The following CD247 variants were observed in gnomAD, a reference collection of about 807,000 sequenced individuals.
The protein encoded by CD247 is CD247 molecule.
A neutral mutation model predicts 30.0 loss-of-function variants in CD247; 13 were observed. The observed-to-expected ratio is 0.43, with a 90% CI of 0.28 to 0.69. The LOEUF is 0.69. CD247 is among the 30% of genes least tolerant of loss of function. The pLI, the probability that CD247 is intolerant of heterozygous loss-of-function variation, is 0.16. For missense variants in CD247, 193 were observed against 212.6 expected, an observed-to-expected ratio of 0.91 and a Z score of 0.57; for synonymous variants, 72 against 80.0, an observed-to-expected ratio of 0.90 and a Z score of 0.53.
intron 1 of CD247, among the ~76,000 whole-genome samples, chr1:167,466,637 T>C (rs1653260085): frequency 6.6e-6 from 1 of 152,168 alleles, no homozygotes; most frequent in Non-Finnish European, 1.5e-5. Flanking sequence ...CCTATGCAAA[T>C]GTATTTTCAT....
chr1:167,505,530 G>T (rs1318514390), intron 1 of CD247, among the ~76,000 whole-genome samples: 16 of 152,248 alleles, frequency 1.1e-4, no homozygotes, highest in African/African-American at 3.9e-4. Flanking sequence ...ATCTTCTCTG[G>T]AAGGCAGCAT....
intron 1 of CD247, among the ~76,000 whole-genome samples, chr1:167,497,174 G>A (rs959971256): frequency 6.6e-6 from 1 of 152,158 alleles, no homozygotes; most frequent in Admixed American, 6.5e-5. Flanking sequence ...AGGGAGAGAT[G>A]ACCATGATTT....
At chr1:167,486,734 T>C (rs925437219) in intron 1 of CD247, among the ~76,000 whole-genome samples, 27 of 152,186 alleles carry the variant, frequency 1.8e-4, no homozygotes, top group Admixed American at 3.9e-4. Context: ...TGGCCACTTA[T>C]GCGGGCCACT....
chr1:167,517,741 C>T (rs1275262447), intron 1 of CD247, among the ~76,000 whole-genome samples: 3 of 152,150 alleles, frequency 2.0e-5, no homozygotes, highest in Admixed American at 6.5e-5. Flanking sequence ...GTGCGTCACC[C>T]GGCAGTCCCA....
intron 1 of CD247, among the ~76,000 whole-genome samples, chr1:167,464,102 T>A (rs1225034354): frequency 6.6e-6 from 1 of 152,172 alleles, no homozygotes; most frequent in African/African-American, 2.4e-5. Context: ...AGTTTTACCA[T>A]GGAATGTGCC....
At chr1:167,444,038 C>T (rs577231948) in intron 1 of CD247, among the ~76,000 whole-genome samples, 4 of 152,280 alleles carry the variant, frequency 2.6e-5, no homozygotes, top group East Asian at 3.9e-4. Context: ...CAGGTGGGTT[C>T]GAGTACTTCT....
At chr1:167,515,177 G>GA (rs1655548957) in intron 1 of CD247, among the ~76,000 whole-genome samples, 5 of 152,198 alleles carry the variant, frequency 3.3e-5, no homozygotes, top group African/African-American at 1.2e-4. Flanking sequence ...TGCCATTGAT[G>GA]AAAAATTTGT....
chr1:167,454,481 G>T (rs1035437063), intron 1 of CD247, among the ~76,000 whole-genome samples: 1 of 152,262 alleles, frequency 6.6e-6, no homozygotes, highest in African/African-American at 2.4e-5. Flanking sequence ...AGGAACAGGG[G>T]CTGGCCCATT....
At chr1:167,437,636 C>T (rs1325121250) in intron 4 of CD247, among the ~76,000 whole-genome samples, 7 of 152,178 alleles carry the variant, frequency 4.6e-5, no homozygotes, top group Non-Finnish European at 8.8e-5. Flanking sequence ...ACTCCATGTT[C>T]TCACCTATAT....
intron 1 of CD247, among the ~76,000 whole-genome samples, chr1:167,446,865 G>A (rs1192569304): frequency 6.6e-6 from 1 of 152,196 alleles, no homozygotes; most frequent in African/African-American, 2.4e-5. Context: ...CGTGGTGGCA[G>A]GCACCTGTGG....
intron 1 of CD247, among the ~76,000 whole-genome samples, chr1:167,451,046 CA>C (rs1188503105): frequency 2.0e-5 from 3 of 151,818 alleles, no homozygotes; most frequent in Non-Finnish European, 4.4e-5. Context: ...GCAGATCTGT[CA>C]GGGAAGGGCA....
At chr1:167,452,918 T>G (rs189784986) in intron 1 of CD247, among the ~76,000 whole-genome samples, 1 of 151,748 alleles carries the variant, frequency 6.6e-6, no homozygotes, top group African/African-American at 2.4e-5. Flanking sequence ...CATATGTGTA[T>G]ATACACACAC....
intron 1 of CD247, among the ~76,000 whole-genome samples, chr1:167,499,793 C>G (rs1654830996): frequency 6.6e-6 from 1 of 152,154 alleles, no homozygotes; most frequent in South Asian, 2.1e-4. Flanking sequence ...AATTCAAACC[C>G]CAACTCTACT....
intron 1 of CD247, among the ~76,000 whole-genome samples, chr1:167,449,110 G>A (rs1181434941): frequency 7.3e-6 from 1 of 136,800 alleles, no homozygotes; most frequent in Non-Finnish European, 1.6e-5. Context: ...CATTAAAGTT[G>A]TTATGTTTTG....
intron 1 of CD247, among the ~76,000 whole-genome samples, chr1:167,501,345 C>A (rs1343587351): frequency 2.0e-5 from 3 of 152,152 alleles, no homozygotes. Flanking sequence ...AGGCGTAAGC[C>A]ACTGCGCCCG....
intron 1 of CD247, among the ~76,000 whole-genome samples, chr1:167,474,473 T>C (rs929798993): frequency 6.6e-6 from 1 of 152,036 alleles, no homozygotes; most frequent in African/African-American, 2.4e-5. Context: ...GAGATCTTTT[T>C]AGATAACAGT....
intron 4 of CD247, among the ~76,000 whole-genome samples, chr1:167,437,943 T>C (rs1651624993): frequency 6.6e-6 from 1 of 152,020 alleles, no homozygotes; most frequent in Non-Finnish European, 1.5e-5. Flanking sequence ...TCATATTATA[T>C]TCAAAAATCA....
At chr1:167,502,538 A>G (rs1318525371) in intron 1 of CD247, among the ~76,000 whole-genome samples, 1 of 152,148 alleles carries the variant, frequency 6.6e-6, no homozygotes, top group Non-Finnish European at 1.5e-5. Context: ...GTTTATTTTG[A>G]GAGATGATTC....
chr1:167,459,597 C>T (rs900785220), intron 1 of CD247: 6 of 152,168 alleles, frequency 3.9e-5, no homozygotes, highest in African/African-American at 1.4e-4. Flanking sequence ...AGGTCATCCG[C>T]CTGCCTTAGC....
Sources: allele counts gnomAD v4.1 joint callset (sites outside exome capture counted in the v4.1 genomes callset), GRCh38; gene constraint gnomAD v4.1.1; transcripts MANE v1.5; gene names NCBI Gene and HGNC (gene_info 2026-07-23, HGNC 2026-07-21).